The following ILRUN variants were observed in gnomAD, a reference collection of about 807,000 sequenced individuals.
ILRUN encodes the protein protein ILRUN.
A neutral mutation model predicts 33.8 loss-of-function variants in ILRUN; 3 were observed. The ratio of observed to expected loss-of-function variants is 0.09; its 90% confidence interval spans 0.04 to 0.23. The LOEUF (loss-of-function observed/expected upper bound fraction) is 0.23. ILRUN is among the 10% of genes least tolerant of loss of function. ILRUN has a pLI of 1.00. For missense variants in ILRUN, 210 were observed against 375.1 expected, an observed-to-expected ratio of 0.56 and a Z score of 3.64; for synonymous variants, 124 against 138.9, an observed-to-expected ratio of 0.89 and a Z score of 0.75.
intron 4 of ILRUN, among the ~76,000 whole-genome samples, chr6:34,606,316 C>G (rs764719409): frequency 6.6e-6 from 1 of 152,096 alleles, no homozygotes; most frequent in Non-Finnish European, 1.5e-5. Flanking sequence ...CAAACCATAG[C>G]AGAGAGACAG....
At chr6:34,692,734 G>A (rs1199253776) in intron 1 of ILRUN, among the ~76,000 whole-genome samples, 1 of 152,056 alleles carries the variant, frequency 6.6e-6, no homozygotes, top group African/African-American at 2.4e-5. Context: ...TCAAGACTAG[G>A]TCTGGCAACA....
At position 34,610,188 on chromosome 6, in the gene ILRUN, AAAAAG is replaced by A. The variant is rs368794207; in HGVS notation, c.512-3289_512-3285del. Among the ~76,000 whole-genome samples the A allele has an allele frequency of 8.5e-3, 1,291 of 152,162 alleles. 10 individuals carry two copies. The highest frequency in any genetic ancestry group is 0.024 in the Middle Eastern group (7 of 294). On this transcript the variant is annotated intron_variant, in intron 3 of 4. Coordinates refer to ENST00000374023, the MANE Select transcript of ILRUN (RefSeq NM_024294.4). ...AAAAAAAAAGAAAAAGAAAAAGAAA[AAAAAG>A]AAAAGAAAATATAAATCCCCATGTA...
intron 1 of ILRUN, among the ~76,000 whole-genome samples, chr6:34,667,031 C>T (rs1048525057): frequency 6.6e-6 from 1 of 151,394 alleles, no homozygotes; most frequent in East Asian, 1.9e-4. Context: ...TAAAGCCACT[C>T]GAATATACAT....
intron 1 of ILRUN, among the ~76,000 whole-genome samples, chr6:34,685,078 C>T (rs1469797394): frequency 6.6e-6 from 1 of 152,160 alleles, no homozygotes; most frequent in Non-Finnish European, 1.5e-5. Context: ...TGGACTATGC[C>T]TATGTTACTC....
chr6:34,696,365 C>A, intron 1 of ILRUN, 81 bp downstream of exon 1: 1 of 1,424,260 alleles, frequency 7.0e-7, no homozygotes, highest in Middle Eastern at 2.1e-4. Flanking sequence ...GCTCGCCCTG[C>A]CGCCAAGCTC....
intron 3 of ILRUN, among the ~76,000 whole-genome samples, chr6:34,621,665 C>T (rs1455450730): frequency 2.0e-5 from 3 of 152,020 alleles, no homozygotes; most frequent in Non-Finnish European, 2.9e-5. Context: ...TCGAGACCAG[C>T]CTGGCTAAAC....
intron 3 of ILRUN, among the ~76,000 whole-genome samples, chr6:34,628,523 G>A (rs774198502): frequency 1.9e-4 from 29 of 151,666 alleles, no homozygotes; most frequent in Admixed American, 5.9e-4. Flanking sequence ...TAGTAGACAC[G>A]GGGTTTCACC....
chr6:34,636,862 T>C (rs953720697), intron 3 of ILRUN, among the ~76,000 whole-genome samples: 6 of 152,204 alleles, frequency 3.9e-5, no homozygotes, highest in Admixed American at 3.9e-4. Context: ...AAAACTCCCA[T>C]CACACAACAA....
intron 2 of ILRUN, among the ~76,000 whole-genome samples, chr6:34,653,970 C>CA (rs34498804): frequency 0.39 from 31,179 of 80,726 alleles, 5,414 homozygotes; most frequent in African/African-American, 0.55. Flanking sequence ...GATGCTGTCT[C>CA]AAAAAAAAAA....
intron 1 of ILRUN, among the ~76,000 whole-genome samples, chr6:34,683,431 T>C (rs960503282): frequency 0.026 from 1,197 of 45,980 alleles, 14 homozygotes; most frequent in African/African-American, 0.097. Context: ...TATATATACA[T>C]ATATATATAC....
intron 3 of ILRUN, chr6:34,617,002 TAAG>T (rs1476583111): frequency 1.8e-6 from 1 of 543,334 alleles, no homozygotes; most frequent in Non-Finnish European, 3.6e-6. Flanking sequence ...GCAAAATCAA[TAAG>T]AAGTGAGTTG....
intron 1 of ILRUN, among the ~76,000 whole-genome samples, chr6:34,692,244 G>A (rs780520987): frequency 2.0e-5 from 3 of 152,204 alleles, no homozygotes; most frequent in African/African-American, 4.8e-5. Flanking sequence ...GATTATAGGC[G>A]TGAGCTACTG....
intron 3 of ILRUN, among the ~76,000 whole-genome samples, chr6:34,607,253 T>C (rs866496857): frequency 3.9e-5 from 6 of 152,370 alleles, no homozygotes; most frequent in Middle Eastern, 3.4e-3. Context: ...TTTCCTAGAA[T>C]TGGTATCTCT....
chr6:34,597,296 T>G (rs976752134), intron 4 of ILRUN, among the ~76,000 whole-genome samples: 1 of 152,242 alleles, frequency 6.6e-6, no homozygotes, highest in Non-Finnish European at 1.5e-5. Context: ...TAACAGCAAG[T>G]GTGCTAGAAT....
At chr6:34,631,129 G>A (rs919972823) in intron 3 of ILRUN, among the ~76,000 whole-genome samples, 1 of 152,104 alleles carries the variant, frequency 6.6e-6, no homozygotes, top group African/African-American at 2.4e-5. Context: ...TGATTCTGAT[G>A]CTATTCAATT....
At chr6:34,685,209 T>C (rs1305153071) in intron 1 of ILRUN, 1 of 152,180 alleles carries the variant, frequency 6.6e-6, no homozygotes, top group Non-Finnish European at 1.5e-5. Context: ...GCAAATGAAC[T>C]GGGGTGTCCA....
rs1762825285 is a variant in ILRUN, at chr6:34,658,596, C to T, written c.159-3817G>A. Among the ~76,000 whole-genome samples the T allele has an allele frequency of 2.7e-5, 4 of 150,334 alleles. No individual in the cohort carries two copies. In the South Asian group the frequency reaches 8.4e-4, roughly 31 times the overall value. On this transcript the variant is annotated intron_variant, in intron 1 of 4. Coordinates refer to ENST00000374023, the MANE Select transcript of ILRUN (RefSeq NM_024294.4). ...CCGAGGCGGGCAGATCGCCTGAGGT[C>T]AGGAATTCGAGACCAGCCTGGCCAA...
intron 1 of ILRUN, among the ~76,000 whole-genome samples, chr6:34,684,252 T>C (rs1301913926): frequency 6.6e-6 from 1 of 152,200 alleles, no homozygotes; most frequent in Non-Finnish European, 1.5e-5. Flanking sequence ...ACACCTTCAA[T>C]TGTTACCCAT....
At chr6:34,607,860 AG>A (rs1307212179) in intron 3 of ILRUN, among the ~76,000 whole-genome samples, 1 of 152,178 alleles carries the variant, frequency 6.6e-6, no homozygotes, top group Non-Finnish European at 1.5e-5. Context: ...TGGGAGGTCT[AG>A]GCAAGAGGAT....
Sources: allele counts gnomAD v4.1 joint callset (sites outside exome capture counted in the v4.1 genomes callset), GRCh38; gene constraint gnomAD v4.1.1; transcripts MANE v1.5; gene names NCBI Gene and HGNC (gene_info 2026-07-23, HGNC 2026-07-21).